Variants in MACF1 observed in about 807,000 individuals in gnomAD.
The protein encoded by MACF1 is microtubule-actin cross-linking factor 1.
A neutral mutation model predicts 854.8 loss-of-function variants in MACF1; 193 were observed. That is an observed-to-expected ratio of 0.23 (90% confidence interval 0.20 to 0.25). The LOEUF is 0.25. Ranked by LOEUF, MACF1 falls within the 10% of genes least tolerant of loss-of-function variation. The pLI, the probability that MACF1 is intolerant of heterozygous loss-of-function variation, is 1.00. For missense variants in MACF1, 7,722 were observed against 8,929.1 expected (o/e 0.86, Z 5.45); for synonymous variants, 3,185 against 3,226.7 (o/e 0.99, Z 0.44).
chr1:39,180,939 C>G (rs1255674220), intron 2 of MACF1, among the ~76,000 whole-genome samples: 1 of 152,134 alleles, frequency 6.6e-6, no homozygotes, highest in Non-Finnish European at 1.5e-5. Context: ...CAGGGTCTGG[C>G]TCTGTTGCCC....
chr1:39,183,563 T>G (rs996790957), intron 2 of MACF1, among the ~76,000 whole-genome samples: 3 of 152,234 alleles, frequency 2.0e-5, no homozygotes, highest in Non-Finnish European at 2.9e-5. Flanking sequence ...AATCATTTTT[T>G]TGCAGGAGAA....
At chr1:39,277,389 C>T (rs1645458625) in intron 6 of MACF1, among the ~76,000 whole-genome samples, 1 of 152,106 alleles carries the variant, frequency 6.6e-6, no homozygotes, top group Admixed American at 6.6e-5. Flanking sequence ...ATTACAAAGG[C>T]AGAAAATACA....
At chr1:39,358,636 G>C in intron 45 of MACF1, 61 bp from the exon 46 acceptor site, 1 of 1,528,828 alleles carries the variant, frequency 6.5e-7, no homozygotes, top group African/African-American at 1.4e-5. Context: ...CTTTCTTTGG[G>C]CAGCTGCTGC....
chr1:39,393,705 A>G (rs924575770), intron 58 of MACF1, among the ~76,000 whole-genome samples: 12 of 151,990 alleles, frequency 7.9e-5, no homozygotes, highest in African/African-American at 2.9e-4. Context: ...CTTACACAGG[A>G]GGCTGACGCA....
Position 39,204,993 on chromosome 1 carries a change from C to T in MACF1, c.-30C>T, listed in dbSNP as rs765274944. The stretch of plus-strand genomic sequence containing the variant: ...AGGCCTGCGCTGAGCTTGTGGCTAA[C>T]TCAAGGGAGGAGAAAGGACGGGCCT... On this transcript the variant is annotated 5_prime_UTR_variant, in exon 1 of 101. Transcript: ENST00000564288. 1.4e-6 allele frequency: 1 copy of T among 702,726 alleles called. No individual in the cohort carries two copies. Among genetic ancestry groups the T allele is most frequent in the South Asian group, 1.5e-5 (1 of 67,574 alleles). The allele number at this position is 702,726 out of a possible 1,614,324, so 43.5% of individuals were successfully genotyped here.
chr1:39,446,602 T>G (rs982082213), intron 80 of MACF1, among the ~76,000 whole-genome samples: 1 of 152,040 alleles, frequency 6.6e-6, no homozygotes, highest in African/African-American at 2.4e-5. Context: ...ACGTTTTTGG[T>G]GTACATCTTG....
intron 97 of MACF1, among the ~76,000 whole-genome samples, chr1:39,475,610 T>C (rs767001478): frequency 4.0e-5 from 6 of 151,734 alleles, no homozygotes; most frequent in Admixed American, 6.6e-5. Context: ...AACACCTGAG[T>C]ACAAGGGGGC....
chr1:39,338,383 G>C (rs1405545711), intron 38 of MACF1, among the ~76,000 whole-genome samples: 1 of 151,988 alleles, frequency 6.6e-6, no homozygotes, highest in African/African-American at 2.4e-5. Flanking sequence ...GAGTAAACCA[G>C]ATCCTCAACT....
At chr1:39,284,574 C>A in intron 11 of MACF1, 146 bp downstream of exon 11, 2 of 470,404 alleles carry the variant, frequency 4.3e-6, no homozygotes, top group South Asian at 1.1e-4. Context: ...CACTCTCAGG[C>A]TGGTCTTAAA....
rs1182483868 is a variant in MACF1 at position 39,251,926 on chromosome 1, AGAT to A, written c.353_355del (p.Asp118del). On this transcript the variant is annotated inframe_deletion, in exon 4 of 101. Transcript: ENST00000564288. ...CAAACAACGAGGAGCAGGCGGAGGA[AGAT>A]GATGATGATGTAGTAGGTCCTCCTG... is the stretch of plus-strand genomic sequence containing the variant. The A allele has an allele frequency of 8.6e-6, 13 of 1,511,278 alleles. No individual in the cohort carries two copies. Among genetic ancestry groups the A allele is most frequent in the East Asian group, 2.6e-5 (1 of 39,042 alleles). The allele number at this position is 1,511,278 out of a possible 1,614,324, so 93.6% of individuals were successfully genotyped here.
intron 6 of MACF1, among the ~76,000 whole-genome samples, chr1:39,280,911 T>C (rs559597743): frequency 3.9e-5 from 6 of 152,302 alleles, no homozygotes; most frequent in African/African-American, 1.2e-4. Context: ...TGATACAGAC[T>C]GTCAGTGCTG....
At chr1:39,171,789 C>A (rs1185255905) in intron 2 of MACF1, among the ~76,000 whole-genome samples, 1 of 152,104 alleles carries the variant, frequency 6.6e-6, no homozygotes, top group Non-Finnish European at 1.5e-5. Flanking sequence ...CCACGCCCGG[C>A]TAATTTTTTT....
chr1:39,344,685 A>G (rs1417368101), intron 40 of MACF1, among the ~76,000 whole-genome samples: 4 of 152,190 alleles, frequency 2.6e-5, no homozygotes, highest in South Asian at 4.1e-4. Context: ...AGTTGTATAC[A>G]TGCTCACTTG....
At chr1:39,281,059 C>T (rs1047428819) in intron 6 of MACF1, among the ~76,000 whole-genome samples, 1 of 152,140 alleles carries the variant, frequency 6.6e-6, no homozygotes, top group Non-Finnish European at 1.5e-5. Flanking sequence ...ATCACAGCAA[C>T]CCTGAAAAGG....
chr1:39,232,297 A>G (rs1161431823), intron 2 of MACF1, among the ~76,000 whole-genome samples: 1 of 152,112 alleles, frequency 6.6e-6, no homozygotes, highest in African/African-American at 2.4e-5. Context: ...GGGAAAGGGA[A>G]AGGTCACCAG....
At chr1:39,403,832 AT>A (rs1165145071) in intron 58 of MACF1, among the ~76,000 whole-genome samples, 40 of 123,602 alleles carry the variant, frequency 3.2e-4, no homozygotes, top group African/African-American at 1.0e-3. Flanking sequence ...TCATTTAAAA[AT>A]TTTTGGGCGG....
At chr1:39,437,665 G>A (rs1052372159) in intron 70 of MACF1, 112 bp from the exon 71 acceptor site, 2 of 927,196 alleles carry the variant, frequency 2.2e-6, no homozygotes, top group African/African-American at 3.2e-5. Context: ...GCTAAACTGA[G>A]CACAGGTTAT....
chr1:39,310,805 G>C, intron 25 of MACF1, 26 bp from the exon 26 acceptor site: 2 of 1,588,396 alleles, frequency 1.3e-6, no homozygotes, highest in South Asian at 1.1e-5. Flanking sequence ...CGAGCTTACT[G>C]GTCTTTTGTG....
At chr1:39,100,909 C>T (rs1041119122) in intron 2 of MACF1, among the ~76,000 whole-genome samples, 7 of 151,238 alleles carry the variant, frequency 4.6e-5, no homozygotes, top group Admixed American at 6.6e-5. Flanking sequence ...TACAAATGCA[C>T]GCGCGCGTGT....
Sources: allele counts gnomAD v4.1 joint callset (sites outside exome capture counted in the v4.1 genomes callset), GRCh38; gene constraint gnomAD v4.1.1; transcripts MANE v1.5; gene names NCBI Gene and HGNC (gene_info 2026-07-23, HGNC 2026-07-21).